The following CDH8 variants were observed in gnomAD, a reference collection of about 807,000 sequenced individuals.
The protein encoded by CDH8 is cadherin 8.
In CDH8, 17 loss-of-function variants were observed where a neutral mutation model predicts 68.1. The observed-to-expected ratio is 0.25, with a 90% CI of 0.17 to 0.37. CDH8 has a LOEUF of 0.37. Among genes scored for constraint, CDH8 ranks in the 10% least tolerant of loss-of-function variants. CDH8 has a pLI of 1.00. For synonymous variants in CDH8, 372 were observed against 365.1 expected (o/e 1.02, Z -0.21); for missense variants, 763 against 999.3 (o/e 0.76, Z 3.19).
At chr16:61,989,867 T>C (rs1351604342) in intron 2 of CDH8, among the ~76,000 whole-genome samples, 2 of 152,200 alleles carry the variant, frequency 1.3e-5, no homozygotes, top group Non-Finnish European at 2.9e-5. Context: ...ATTATATAAC[T>C]TGTCCAAGCC....
chr16:61,817,965 T>G, intron 6 of CDH8: 1 of 406,674 alleles, frequency 2.5e-6, no homozygotes, highest in Non-Finnish European at 4.4e-6. Flanking sequence ...TTTTGCTCAT[T>G]TCACTTGGAA....
intron 2 of CDH8, among the ~76,000 whole-genome samples, chr16:61,981,334 T>C (rs185436924): frequency 6.6e-6 from 1 of 152,348 alleles, no homozygotes; most frequent in African/African-American, 2.4e-5. Flanking sequence ...TCTAATCATT[T>C]TTTTATCACC....
chr16:61,859,924 T>C (rs1963119735), intron 3 of CDH8, among the ~76,000 whole-genome samples: 1 of 152,162 alleles, frequency 6.6e-6, no homozygotes, highest in African/African-American at 2.4e-5. Flanking sequence ...CTTGGCTCAC[T>C]GCAACCGCCT....
chr16:61,649,025 CTG>C lies in CDH8; in HGVS notation c.*4581_*4582del, dbSNP rs1201998100. 8 of 151,974 alleles carry C rather than the reference CTG, an allele frequency of 5.3e-5. No individual in the cohort carries two copies. Among genetic ancestry groups the C allele is most frequent in the Non-Finnish European group, 1.0e-4 (7 of 67,924 alleles). The allele number at this position is 151,974 out of a possible 1,614,324, so 9.4% of individuals were successfully genotyped here. On this transcript the variant is annotated 3_prime_UTR_variant, in exon 12 of 12. Coordinates refer to ENST00000577390, the MANE Select transcript of CDH8 (RefSeq NM_001796.5). ...ACAAGGGCAAATAATACATTCAACA[CTG>C]TTTGGCTGAGTAACAGTGCAAAGAC... is the stretch of plus-strand genomic sequence containing the variant.
chr16:61,798,757 T>G (rs1961554062), intron 7 of CDH8, among the ~76,000 whole-genome samples: 1 of 152,160 alleles, frequency 6.6e-6, no homozygotes, highest in African/African-American at 2.4e-5. Context: ...GCAAAGGAAG[T>G]GAAGAAGTCT....
chr16:62,022,006 C>T (rs1012645948), intron 1 of CDH8, among the ~76,000 whole-genome samples: 1 of 152,072 alleles, frequency 6.6e-6, no homozygotes, highest in Non-Finnish European at 1.5e-5. Context: ...GCCCACTTGT[C>T]GAACACACTG....
chr16:61,915,494 C>T (rs1431468514), intron 2 of CDH8, among the ~76,000 whole-genome samples: 1 of 152,178 alleles, frequency 6.6e-6, no homozygotes, highest in Non-Finnish European at 1.5e-5. Context: ...ATTAGCTTCT[C>T]AAGCCCATGC....
intron 2 of CDH8, among the ~76,000 whole-genome samples, chr16:61,906,476 G>T (rs1475004175): frequency 6.6e-6 from 1 of 152,110 alleles, no homozygotes; most frequent in Non-Finnish European, 1.5e-5. Flanking sequence ...TCAATTTCAG[G>T]AATTCTAACA....
chr16:61,764,117 T>C (rs887476576), intron 8 of CDH8, among the ~76,000 whole-genome samples: 7 of 152,130 alleles, frequency 4.6e-5, no homozygotes, highest in African/African-American at 1.7e-4. Flanking sequence ...TTCTCTACTT[T>C]AAATCACATG....
chr16:61,848,867 A>G (rs1028462772), intron 4 of CDH8, among the ~76,000 whole-genome samples: 3 of 152,130 alleles, frequency 2.0e-5, no homozygotes, highest in Non-Finnish European at 2.9e-5. Flanking sequence ...CAACGTATTA[A>G]TTCATTAATT....
intron 4 of CDH8, 125 bp from the exon 5 acceptor site, chr16:61,825,304 G>A (rs1962305285): frequency 1.5e-6 from 1 of 674,974 alleles, no homozygotes; most frequent in Non-Finnish European, 2.4e-6. Context: ...AATTTTCTGT[G>A]TTCTTCTGAC....
intron 7 of CDH8, among the ~76,000 whole-genome samples, chr16:61,807,423 A>G (rs1196068440): frequency 6.6e-6 from 1 of 152,034 alleles, no homozygotes; most frequent in South Asian, 2.1e-4. Flanking sequence ...GTATACATAC[A>G]TATGTAACTA....
chr16:61,750,486 G>C (rs925062162), intron 8 of CDH8, among the ~76,000 whole-genome samples: 7 of 152,148 alleles, frequency 4.6e-5, no homozygotes, highest in African/African-American at 1.7e-4. Context: ...TTGACTCAGT[G>C]AAACTAAATT....
chr16:61,843,507 G>A (rs1457869688), intron 4 of CDH8, among the ~76,000 whole-genome samples: 1 of 152,056 alleles, frequency 6.6e-6, no homozygotes, highest in African/African-American at 2.4e-5. Flanking sequence ...AGGAAATGTT[G>A]GGGAGAGAAG....
At chr16:61,797,505 T>A (rs1244088081) in intron 7 of CDH8, among the ~76,000 whole-genome samples, 2 of 152,138 alleles carry the variant, frequency 1.3e-5, no homozygotes, top group East Asian at 3.9e-4. Context: ...AACTAACTCT[T>A]TTATTCATAA....
At chr16:62,006,631 G>T (rs1965980521) in intron 2 of CDH8, among the ~76,000 whole-genome samples, 1 of 151,918 alleles carries the variant, frequency 6.6e-6, no homozygotes. Flanking sequence ...GTTCTTTACT[G>T]AGCTATTAAA....
chr16:61,901,246 G>T lies in CDH8; in HGVS notation c.480C>A (p.Ile160=). The T allele has an allele frequency of 6.2e-7, 1 of 1,613,960 alleles. No homozygotes were observed. The highest frequency in any genetic ancestry group is 8.5e-7 in the Non-Finnish European group (1 of 1,179,902). Residue 160 remains isoleucine, a synonymous_variant, in exon 3 of 12, where the codon ATC becomes ATA. Transcript: ENST00000577390. The part of the protein sequence containing the change: ...PSEFIIKVQD[I]NDNAPEFLNG... Reference sequence around the variant, plus strand: ...TAAGAAACTCTGGTGCATTGTCATTGATGTCTTGAACTTTAATAATAAATT... The same window carrying T: ...TAAGAAACTCTGGTGCATTGTCATTTATGTCTTGAACTTTAATAATAAATT...
At chr16:61,737,304 T>C (rs1959724215) in intron 8 of CDH8, among the ~76,000 whole-genome samples, 1 of 152,186 alleles carries the variant, frequency 6.6e-6, no homozygotes, top group African/African-American at 2.4e-5. Context: ...TAAATAATTC[T>C]TGAGCTTTCT....
intron 8 of CDH8, among the ~76,000 whole-genome samples, chr16:61,762,195 C>G (rs896532030): frequency 6.6e-6 from 1 of 152,068 alleles, no homozygotes; most frequent in Non-Finnish European, 1.5e-5. Context: ...TTGCACAGAA[C>G]TAACCACAAA....
Sources: allele counts gnomAD v4.1 joint callset (sites outside exome capture counted in the v4.1 genomes callset), GRCh38; gene constraint gnomAD v4.1.1; transcripts MANE v1.5; gene names NCBI Gene and HGNC (gene_info 2026-07-23, HGNC 2026-07-21).